SMARCA2: variants seen among roughly 807,000 people sequenced by gnomAD.
SMARCA2 encodes the protein SWI/SNF-related matrix-associated actin-dependent regulator of chromatin subfamily A member 2.
Under a neutral mutation model 199.8 loss-of-function variants are expected in SMARCA2, and 61 were observed. The ratio of observed to expected loss-of-function variants is 0.31; its 90% CI spans 0.25 to 0.38. The LOEUF (loss-of-function observed/expected upper bound fraction) is 0.38, where lower values mean the gene tolerates loss of function less well. SMARCA2 is among the 10% of genes least tolerant of loss of function. SMARCA2 has a pLI of 1.00. For missense variants in SMARCA2, 1,344 were observed against 2,012.2 expected (o/e 0.67, Z 6.35); for synonymous variants, 935 against 732.0 (o/e 1.28, Z -4.48).
chr9:2,160,699 G>C, intron 27 of SMARCA2: 1 of 656,616 alleles, frequency 1.5e-6, no homozygotes, highest in Non-Finnish European at 2.8e-6. Flanking sequence ...AATATTGAGA[G>C]GCAGGAGGAA....
At chr9:2,074,068 A>T (rs950396448) in intron 12 of SMARCA2, among the ~76,000 whole-genome samples, 1 of 152,294 alleles carries the variant, frequency 6.6e-6, no homozygotes, top group South Asian at 2.1e-4. Flanking sequence ...AAAAAGGGCA[A>T]CGTGGGCTTG....
chr9:2,112,363 T>G (rs552603419), intron 24 of SMARCA2, among the ~76,000 whole-genome samples: 1 of 152,182 alleles, frequency 6.6e-6, no homozygotes, highest in South Asian at 2.1e-4. Flanking sequence ...GATGTTTACC[T>G]TCACTGGCAC....
At chr9:2,098,860 T>C (rs373518171) in intron 21 of SMARCA2, among the ~76,000 whole-genome samples, 1 of 151,948 alleles carries the variant, frequency 6.6e-6, no homozygotes, top group Admixed American at 6.5e-5. Context: ...GGAAAGAGAA[T>C]TGCTTGAACC....
At chr9:2,188,008 T>C (rs1233252848) in intron 32 of SMARCA2, among the ~76,000 whole-genome samples, 1 of 152,172 alleles carries the variant, frequency 6.6e-6, no homozygotes, top group African/African-American at 2.4e-5. Context: ...TATGTAGAGA[T>C]ATAGAATTAC....
rs768020129 is a variant in SMARCA2, at chr9:2,097,354, A to G, written c.2992-31A>G. ...GAAATGTCTGACCAGTTAATAATTA[A>G]TTCTATTTTTCCCTTTCCACTGGTT... On this transcript the variant is annotated intron_variant, in intron 20 of 33. Coordinates refer to ENST00000349721, the MANE Select transcript of SMARCA2 (RefSeq NM_003070.5). The G allele has an allele frequency of 2.9e-6, 4 of 1,356,350 alleles. No individual in the cohort carries two copies. In the African/African-American group the frequency reaches 5.7e-5, roughly 19 times the overall value. The allele number at this position is 1,356,350 out of a possible 1,614,324, so 84.0% of individuals were successfully genotyped here.
chr9:2,152,179 T>C (rs1176441626), intron 27 of SMARCA2, among the ~76,000 whole-genome samples: 1 of 152,184 alleles, frequency 6.6e-6, no homozygotes. Flanking sequence ...AATCCCAAGA[T>C]GGAGGCAGGT....
Position 2,170,456 on chromosome 9 carries a change from G to T in SMARCA2, c.4237G>T (p.Glu1413Ter). 6.2e-7 allele frequency: 1 copy of T among 1,614,120 alleles called. No homozygotes were observed. Among genetic ancestry groups the T allele is most frequent in the African/African-American group, 1.3e-5 (1 of 75,044 alleles). Reference protein sequence around the residue: ...VEKVPSNSQLEIEGNSSGRQL... With the variant: ...VEKVPSNSQL ...GAAGGTGCCCAGTAATTCTCAGTTG[G>T]AAATAGAAGGAAACAGGTCAGGATC... The change falls in exon 29 of 34, where the codon GAA becomes TAA. Residue 1413 changes from glutamate to a stop codon, truncating the protein, a stop_gained. Transcript: ENST00000349721. LOFTEE classifies it high-confidence loss of function. The surrounding 1 kb of genome is among the most constrained non-coding windows in gnomAD (Gnocchi z 4.7).
rs372456230 is a variant in SMARCA2 at position 2,123,959 on chromosome 9, C to T, written c.3981+22C>T. 179 of 1,538,570 alleles carry T rather than the reference C, an allele frequency of 1.2e-4. 1 individual carries two copies. The highest frequency in any genetic ancestry group is 9.1e-4 in the South Asian group (76 of 83,806). Reference sequence around the variant, plus strand: ...AAGGGTAAGCCTAGCTTTTCTAACCCGCTCTCACTAGGTGGAGGGTTTTTG... The same window carrying T: ...AAGGGTAAGCCTAGCTTTTCTAACCTGCTCTCACTAGGTGGAGGGTTTTTG... On this transcript the variant is annotated intron_variant, in intron 27 of 33. Transcript: ENST00000349721. The surrounding 1 kb of genome is among the most constrained non-coding windows in gnomAD (Gnocchi z 4.1).
At chr9:2,073,090 A>G in intron 10 of SMARCA2, 122 bp from the exon 11 acceptor site, 1 of 1,208,150 alleles carries the variant, frequency 8.3e-7, no homozygotes, top group Admixed American at 2.5e-5. Context: ...TAGGTAGTGA[A>G]ATTTCCAAAC....
intron 14 of SMARCA2, among the ~76,000 whole-genome samples, chr9:2,081,283 G>A (rs1336339871): frequency 1.3e-5 from 2 of 152,136 alleles, no homozygotes; most frequent in Non-Finnish European, 2.9e-5. Context: ...TGCAGCCTTT[G>A]GGTAGTACTC....
intron 27 of SMARCA2, among the ~76,000 whole-genome samples, chr9:2,129,593 C>T (rs965233284): frequency 1.3e-5 from 2 of 152,110 alleles, no homozygotes; most frequent in East Asian, 1.9e-4. Flanking sequence ...AATGGGGTTT[C>T]ACAATGTATA....
intron 4 of SMARCA2, chr9:2,043,680 C>T (rs1023256544): frequency 6.6e-6 from 1 of 152,062 alleles, no homozygotes; most frequent in African/African-American, 2.4e-5. Context: ...TCCTGTATGC[C>T]GGAAGACTAA....
At position 2,056,954 on chromosome 9, in the gene SMARCA2, C is replaced by A; in HGVS notation, c.1347+109C>A. On this transcript the variant is annotated intron_variant, in intron 7 of 33. Transcript: ENST00000349721. The surrounding 1 kb of genome is among the most constrained non-coding windows in gnomAD (Gnocchi z 4.0). ...AATGGACCCTTGTGGGTGGTGGGGACATCACAGAACAGAACGGTTCCTTGA... is the reference window on the plus strand; with the variant it reads ...AATGGACCCTTGTGGGTGGTGGGGAAATCACAGAACAGAACGGTTCCTTGA... 1.1e-6 allele frequency: 1 copy of A among 892,330 alleles called. No individual in the cohort carries two copies. The highest frequency in any genetic ancestry group is 1.7e-6 in the Non-Finnish European group (1 of 586,242). 55.3% of individuals were successfully genotyped at this position (892,330 alleles called of 1,614,324 possible). A position where few individuals can be genotyped will look rare whatever the true frequency, so the allele number is the denominator to read the frequency against.
At chr9:2,127,859 A>G (rs937329717) in intron 27 of SMARCA2, among the ~76,000 whole-genome samples, 1 of 152,216 alleles carries the variant, frequency 6.6e-6, no homozygotes, top group African/African-American at 2.4e-5. Context: ...AAAAATTCCT[A>G]CAGTGTCCTT....
Position 2,170,778 on chromosome 9 carries a change from C to G in SMARCA2, c.4253+306C>G, listed in dbSNP as rs1826205998. 1.3e-5 allele frequency among the ~76,000 whole-genome samples: 2 copies of G among 152,174 alleles called. No homozygotes were observed. The highest frequency in any genetic ancestry group is 4.1e-4 in the South Asian group (2 of 4,824). On this transcript the variant is annotated intron_variant, in intron 29 of 33. Coordinates refer to ENST00000349721, the MANE Select transcript of SMARCA2 (RefSeq NM_003070.5). The surrounding 1 kb of genome is among the most constrained non-coding windows in gnomAD (Gnocchi z 4.7). The stretch of plus-strand genomic sequence containing the variant: ...TTGGAGATGGGTTTCTGTTGCTTCC[C>G]CCTCCCTTCCAGCGCAGCTTCTGTT...
At chr9:2,108,100 G>C (rs1234462369) in intron 23 of SMARCA2, among the ~76,000 whole-genome samples, 1 of 152,184 alleles carries the variant, frequency 6.6e-6, no homozygotes, top group Non-Finnish European at 1.5e-5. Flanking sequence ...AAAAATGGCA[G>C]AGTCAGCATG....
At chr9:2,090,615 C>G (rs1318867343) in intron 19 of SMARCA2, among the ~76,000 whole-genome samples, 1 of 152,166 alleles carries the variant, frequency 6.6e-6, no homozygotes, top group Admixed American at 6.5e-5. Flanking sequence ...GGCACCCAAC[C>G]AATGACAGCT....
In SMARCA2 at chr9:2,161,511, T is replaced by C. The variant is rs763343961; in HGVS notation, c.3982-175T>C. 1.3e-5 allele frequency among the ~76,000 whole-genome samples: 2 copies of C among 152,226 alleles called. No individual in the cohort carries two copies. The highest frequency in any genetic ancestry group is 2.9e-5 in the Non-Finnish European group (2 of 68,026). On this transcript the variant is annotated intron_variant, in intron 27 of 33. Coordinates refer to ENST00000349721, the MANE Select transcript of SMARCA2 (RefSeq NM_003070.5). This position sits in a 1 kb window ranked among gnomAD's most constrained non-coding sequence, Gnocchi z 4.7. ...GAGTTAAAGATGCATTTATCCAATATGGTAGCATTCCTTTTTTCTTCTTCC... is the reference window on the plus strand; with the variant it reads ...GAGTTAAAGATGCATTTATCCAATACGGTAGCATTCCTTTTTTCTTCTTCC...
intron 19 of SMARCA2, among the ~76,000 whole-genome samples, chr9:2,095,110 G>A (rs1822216658): frequency 6.8e-6 from 1 of 147,078 alleles, no homozygotes; most frequent in Non-Finnish European, 1.5e-5. Flanking sequence ...TTTTGAGACA[G>A]AGTCTTGCTC....
Sources: gnomAD v4.1 joint callset for allele counts (sites outside exome capture counted in the v4.1 genomes callset) on GRCh38, gnomAD v4.1.1 for gene constraint, Gnocchi (gnomAD v3.1) non-coding constraint, MANE v1.5 for transcripts, NCBI Gene and HGNC (gene_info 2026-07-23, HGNC 2026-07-21) for gene names.